The following MTREX variants were observed in gnomAD, a reference collection of about 807,000 sequenced individuals.
The protein encoded by MTREX is Mtr4 exosome RNA helicase, also known as exosome RNA helicase MTR4.
In MTREX, 76 loss-of-function variants were observed where a neutral mutation model predicts 135.4. The observed-to-expected ratio is 0.56, with a 90% CI of 0.47 to 0.68. MTREX has a LOEUF of 0.68. MTREX is among the 30% of genes least tolerant of loss of function. The probability of loss-of-function intolerance (pLI) is 0.00; values close to 1 mark genes in which losing one functional copy is unlikely to be tolerated. For missense variants in MTREX, 920 were observed against 1,262.1 expected, an observed-to-expected ratio of 0.73 and a Z score of 4.11; for synonymous variants, 404 against 401.6, an observed-to-expected ratio of 1.01 and a Z score of -0.07.
intron 1 of MTREX, among the ~76,000 whole-genome samples, chr5:55,320,638 T>G (rs1284837310): frequency 7.5e-6 from 1 of 132,456 alleles, no homozygotes; most frequent in Admixed American, 7.6e-5. Context: ...TTACAACCCC[T>G]CTGTGTCCCT....
intron 25 of MTREX, among the ~76,000 whole-genome samples, chr5:55,420,928 G>C (rs1431693788): frequency 6.6e-6 from 1 of 152,084 alleles, no homozygotes; most frequent in African/African-American, 2.4e-5. Flanking sequence ...TAACTGACTT[G>C]TATACTTTAA....
rs1483113441 is a variant in MTREX, at chr5:55,327,744, T to C, written c.368T>C (p.Leu123Ser). Residue 123 changes from leucine to serine, a missense_variant, in exon 4 of 27, where the codon TTA becomes TCA. This residue lies in a region of MTREX where 82 missense variants were observed against 107.4 expected (regional missense o/e 0.76). Transcript: ENST00000230640. ...EVALPAEEDY[L>S]PLKPRVGKAA... The stretch of plus-strand genomic sequence containing the variant: ...GCACTTCCTGCAGAAGAGGATTATT[T>C]ACCACTTAAACCACGAGTTGGAAAA... 6.2e-7 allele frequency: 1 copy of C among 1,613,614 alleles called. No individual in the cohort carries two copies. Among genetic ancestry groups the C allele is most frequent in the Admixed American group, 1.7e-5 (1 of 60,018 alleles).
At chr5:55,392,550 A>G (rs1398521577) in intron 19 of MTREX, among the ~76,000 whole-genome samples, 1 of 151,966 alleles carries the variant, frequency 6.6e-6, no homozygotes, top group Non-Finnish European at 1.5e-5. Context: ...CTAAAAAAAA[A>G]AAAAAAAAAA....
At position 55,345,299 on chromosome 5, in the gene MTREX, G is replaced by T. The variant is rs548552631; in HGVS notation, c.1108+103G>T. The T allele has an allele frequency of 8.9e-5, 64 of 721,698 alleles. No homozygotes were observed. In the African/African-American group the frequency reaches 1.0e-3, roughly 12 times the overall value. The allele number at this position is 721,698 out of a possible 1,614,324, so 44.7% of individuals were successfully genotyped here. On this transcript the variant is annotated intron_variant, in intron 10 of 26. Coordinates refer to ENST00000230640, the MANE Select transcript of MTREX (RefSeq NM_015360.5). ...TTTTTTTTTCTCAAGCTATGTAAAG[G>T]TCTAGACGATATGTGATAAAATTGG...
chr5:55,415,557 A>T (rs6450307), intron 24 of MTREX, among the ~76,000 whole-genome samples: 2 of 152,182 alleles, frequency 1.3e-5, no homozygotes, highest in Non-Finnish European at 2.9e-5. Flanking sequence ...GAGGAAAACA[A>T]TATGAAGATA....
chr5:55,379,283 A>G (rs917315145), intron 18 of MTREX, 88 bp downstream of exon 18: 6 of 740,332 alleles, frequency 8.1e-6, no homozygotes, highest in African/African-American at 5.3e-5. Flanking sequence ...AGAAGAAATA[A>G]TATTACCTGA....
chr5:55,340,915 T>G (rs572454842), intron 6 of MTREX, among the ~76,000 whole-genome samples: 1 of 152,310 alleles, frequency 6.6e-6, no homozygotes, highest in East Asian at 1.9e-4. Flanking sequence ...AGTATTATGT[T>G]TACCTTCTTC....
chr5:55,333,619 G>C (rs1749509325), intron 5 of MTREX, among the ~76,000 whole-genome samples: 1 of 152,082 alleles, frequency 6.6e-6, no homozygotes, highest in Non-Finnish European at 1.5e-5. Flanking sequence ...GGGAATTTAA[G>C]AAATTCACCA....
Position 55,400,378 on chromosome 5 carries a change from C to A in MTREX, c.2438C>A (p.Pro813Gln). 1 of 1,609,476 alleles carries A rather than the reference C, an allele frequency of 6.2e-7. No individual in the cohort carries two copies. The highest frequency in any genetic ancestry group is 8.5e-7 in the Non-Finnish European group (1 of 1,177,958). ...TATTCTCATCCACTTCACAATGATC[C>A]AAATTTGGAAACTGTGTATACGCTT... is the stretch of plus-strand genomic sequence containing the variant. The part of the protein sequence containing the change: ...RMYSHPLHND[P>Q]NLETVYTLCE... The change falls in exon 21 of 27, where the codon CCA (proline) becomes CAA (glutamine). Residue 813 changes from proline to glutamine, a missense_variant. Pro to Gln is a moderately conservative substitution (Grantham distance 76). Transcript: ENST00000230640.
At chr5:55,336,740 G>A (rs1749559282) in intron 5 of MTREX, among the ~76,000 whole-genome samples, 1 of 152,192 alleles carries the variant, frequency 6.6e-6, no homozygotes, top group Non-Finnish European at 1.5e-5. Flanking sequence ...GATGTGAACA[G>A]TTGTCTCTCC....
intron 25 of MTREX, among the ~76,000 whole-genome samples, chr5:55,419,383 C>G (rs1238989563): frequency 6.6e-6 from 1 of 152,184 alleles, no homozygotes; most frequent in Non-Finnish European, 1.5e-5. Flanking sequence ...TTAACTGAGG[C>G]TAGTTAACAC....
chr5:55,413,470 T>C (rs898155114), intron 23 of MTREX, among the ~76,000 whole-genome samples: 1 of 152,186 alleles, frequency 6.6e-6, no homozygotes, highest in Non-Finnish European at 1.5e-5. Context: ...ATGTCTGTTA[T>C]TCTCATCATA....
intron 5 of MTREX, among the ~76,000 whole-genome samples, chr5:55,337,486 G>A (rs948732919): frequency 2.0e-5 from 3 of 151,964 alleles, no homozygotes; most frequent in African/African-American, 4.8e-5. Context: ...TATGTTTAAT[G>A]TAAGTGTTTA....
intron 22 of MTREX, among the ~76,000 whole-genome samples, chr5:55,408,172 C>A (rs990674885): frequency 1.3e-5 from 2 of 152,130 alleles, no homozygotes; most frequent in African/African-American, 2.4e-5. Flanking sequence ...CAGTCTGTTG[C>A]CACACCCCAC....
chr5:55,405,617 T>TC (rs1190035667), intron 22 of MTREX, 29 bp downstream of exon 22: 22 of 1,533,060 alleles, frequency 1.4e-5, no homozygotes, highest in Non-Finnish European at 1.7e-5. Context: ...TCTAGAAAGT[T>TC]CATTTTTTTT....
intron 26 of MTREX, 73 bp downstream of exon 26, chr5:55,423,055 A>C (rs1751079682): frequency 3.7e-6 from 4 of 1,090,048 alleles, no homozygotes; most frequent in Admixed American, 4.0e-5. Flanking sequence ...CCTGGACCAC[A>C]ACCTAGGAGG....
rs564580467 is a variant in MTREX, at chr5:55,404,369, C to A, written c.2482-1056C>A. On this transcript the variant is annotated intron_variant, in intron 21 of 26. Coordinates refer to ENST00000230640, the MANE Select transcript of MTREX (RefSeq NM_015360.5). ...TCTAAAGGATGACATCAAGGTGATACATTTTCATTTTAAGGTTTCATTTAT... is the reference window on the plus strand; with the variant it reads ...TCTAAAGGATGACATCAAGGTGATAAATTTTCATTTTAAGGTTTCATTTAT... 1.3e-3 allele frequency among the ~76,000 whole-genome samples: 202 copies of A among 152,196 alleles called. 6 individuals carry two copies. The South Asian group carries it at 0.041, about 31-fold the overall frequency.
intron 15 of MTREX, among the ~76,000 whole-genome samples, chr5:55,363,626 T>A: frequency 6.6e-6 from 1 of 152,324 alleles, no homozygotes; most frequent in Non-Finnish European, 1.5e-5. Flanking sequence ...TGATCAACAC[T>A]TAAAGAGTTC....
At position 55,343,475 on chromosome 5, in the gene MTREX, T is replaced by A. The variant is rs774086585; in HGVS notation, c.906+20T>A. ...AAACAGGTATTTTTTCCTCCTTTTT[T>A]GATGTCTTCAATATTCAAAATGTTA... On this transcript the variant is annotated intron_variant, in intron 8 of 26. Transcript: ENST00000230640. The A allele has an allele frequency of 3.1e-6, 5 of 1,604,596 alleles. No homozygotes were observed. In the African/African-American group the frequency reaches 5.4e-5, roughly 17 times the overall value.
Sources: gnomAD v4.1 joint callset for allele counts (sites outside exome capture counted in the v4.1 genomes callset) on GRCh38, gnomAD v4.1.1 for gene constraint, gnomAD v4.1.1 regional missense constraint, MANE v1.5 for transcripts, NCBI Gene and HGNC (gene_info 2026-07-23, HGNC 2026-07-21) for gene names.